Variants in DAGLB observed in about 807,000 individuals in gnomAD.
DAGLB encodes diacylglycerol lipase beta, also known as diacylglycerol lipase-beta.
Under a neutral mutation model 72.1 loss-of-function variants are expected in DAGLB, and 66 were observed. That is an observed-to-expected ratio of 0.92 (90% CI 0.75 to 1.12). The LOEUF (loss-of-function observed/expected upper bound fraction) is 1.12, where lower values mean the gene tolerates loss of function less well. Ranked by LOEUF, DAGLB falls within the 50% of genes most tolerant of loss-of-function variation. The pLI is 0.00. For synonymous variants in DAGLB, 414 were observed against 359.5 expected, an observed-to-expected ratio of 1.15 and a Z score of -1.71; for missense variants, 1,065 against 884.9, an observed-to-expected ratio of 1.20 and a Z score of -2.58.
intron 13 of DAGLB, among the ~76,000 whole-genome samples, chr7:6,410,639 TAA>T (rs1783691116): frequency 1.3e-5 from 2 of 152,192 alleles, no homozygotes; most frequent in Admixed American, 1.3e-4. Context: ...GGAGCAATAT[TAA>T]AAACTAAGCC....
At chr7:6,431,867 G>T (rs919872539) in intron 5 of DAGLB, among the ~76,000 whole-genome samples, 1 of 152,186 alleles carries the variant, frequency 6.6e-6, no homozygotes, top group African/African-American at 2.4e-5. Flanking sequence ...TGCCTCACCT[G>T]ACAGGTGATG....
intron 6 of DAGLB, among the ~76,000 whole-genome samples, chr7:6,429,292 T>C (rs1229622961): frequency 1.3e-5 from 2 of 151,944 alleles, no homozygotes; most frequent in Non-Finnish European, 2.9e-5. Flanking sequence ...GGGGAAACCA[T>C]CACACAAATG....
rs928389323 is a variant in DAGLB at position 6,416,474 on chromosome 7, T to C, written c.1427+153A>G. ...AGAAGAACCGCCTGAACCTGGGAGG[T>C]GGAGCTTGCAGTGAGCCGAGATCAC... On this transcript the variant is annotated intron_variant, in intron 11 of 14. Transcript: ENST00000297056. The C allele has an allele frequency of 5.5e-4, 614 of 1,107,826 alleles. 1 individual carries two copies. The highest frequency in any genetic ancestry group is 6.5e-4 in the Non-Finnish European group (527 of 813,266). The allele number at this position is 1,107,826 out of a possible 1,614,324, so 68.6% of individuals were successfully genotyped here.
chr7:6,434,793 C>T lies in DAGLB; in HGVS notation c.647G>A (p.Ser216Asn), dbSNP rs778993834. Residue 216 changes from serine to asparagine, a missense_variant, in exon 4 of 15, where the codon AGT becomes AAT. Coordinates refer to ENST00000297056, the MANE Select transcript of DAGLB (RefSeq NM_139179.4). ...KDDHTRVAFS[S>N]TAELFSTYFS... is the part of the protein sequence containing the mutation. ...GTAGGTTGAGAAAAGCTCTGCCGTA[C>T]TCGAAAAAGCAACCCGAGTATGGTC... The T allele has an allele frequency of 2.5e-6, 4 of 1,614,200 alleles. No homozygotes were observed. Among genetic ancestry groups the T allele is most frequent in the Non-Finnish European group, 3.4e-6 (4 of 1,180,038 alleles).
intron 2 of DAGLB, among the ~76,000 whole-genome samples, chr7:6,442,080 C>A (rs1398301897): frequency 6.6e-6 from 1 of 152,156 alleles, no homozygotes; most frequent in East Asian, 1.9e-4. Flanking sequence ...CAAGGAAGCA[C>A]TTCCCCAGAA....
At chr7:6,425,854 A>G in intron 7 of DAGLB, 134 bp downstream of exon 7, 4 of 1,431,274 alleles carry the variant, frequency 2.8e-6, no homozygotes, top group Non-Finnish European at 3.7e-6. Context: ...GCCCCTCTGA[A>G]ATAGTACACA....
In DAGLB at chr7:6,409,662, GC is replaced by G; in HGVS notation, c.*174del. 1 of 770,852 alleles carries G rather than the reference GC, an allele frequency of 1.3e-6. No homozygotes were observed. Among genetic ancestry groups the G allele is most frequent in the Non-Finnish European group, 2.0e-6 (1 of 490,730 alleles). 47.8% of individuals were successfully genotyped at this position (770,852 alleles called of 1,614,324 possible). A position where few individuals can be genotyped will look rare whatever the true frequency, so the allele number is the denominator to read the frequency against. ...GCTCACTACTTCTGCTACCATTATG[GC>G]CACAATGACTTCCCATAAACTTAAG... On this transcript the variant is annotated 3_prime_UTR_variant, in exon 15 of 15. Transcript: ENST00000297056.
chr7:6,419,168 C>T (rs6957147), intron 9 of DAGLB, among the ~76,000 whole-genome samples: 1 of 149,628 alleles, frequency 6.7e-6, no homozygotes, highest in Admixed American at 6.7e-5. Flanking sequence ...ATTACAGGCA[C>T]TCACCACCAC....
intron 1 of DAGLB, among the ~76,000 whole-genome samples, chr7:6,446,881 G>A (rs1785024181): frequency 6.6e-6 from 1 of 152,120 alleles, no homozygotes; most frequent in Admixed American, 6.6e-5. Context: ...GTGGTGGCAC[G>A]AGTCTGTGGT....
chr7:6,447,509 T>C (rs1354879349), intron 1 of DAGLB, among the ~76,000 whole-genome samples: 5 of 152,098 alleles, frequency 3.3e-5, no homozygotes, highest in Admixed American at 6.5e-5. Context: ...CGAAACCCCC[T>C]GTTTGTCCCC....
intron 8 of DAGLB, 98 bp downstream of exon 8, chr7:6,424,654 G>A: frequency 1.8e-6 from 2 of 1,138,448 alleles, no homozygotes; most frequent in South Asian, 1.2e-5. Context: ...TTTCCCCTGT[G>A]TCTCATGCGG....
chr7:6,420,245 G>C (rs1419468103), intron 9 of DAGLB, among the ~76,000 whole-genome samples: 1 of 152,038 alleles, frequency 6.6e-6, no homozygotes, highest in Non-Finnish European at 1.5e-5. Context: ...ATAGAGACCA[G>C]CCTGGCCAAC....
At chr7:6,423,147 G>A (rs781507749) in intron 8 of DAGLB, among the ~76,000 whole-genome samples, 1 of 152,182 alleles carries the variant, frequency 6.6e-6, no homozygotes, top group Non-Finnish European at 1.5e-5. Flanking sequence ...AGCTACTTGA[G>A]AGGCTGAGGC....
rs573809815 is a variant in DAGLB at position 6,409,624 on chromosome 7, A to G, written c.*213T>C. 58 of 627,324 alleles carry G rather than the reference A, an allele frequency of 9.2e-5. No homozygotes were observed. The highest frequency in any genetic ancestry group is 1.4e-4 in the Non-Finnish European group (50 of 367,380). The allele number at this position is 627,324 out of a possible 1,614,324, so 38.9% of individuals were successfully genotyped here. A position where few individuals can be genotyped will look rare whatever the true frequency, so the allele number is the denominator to read the frequency against. On this transcript the variant is annotated 3_prime_UTR_variant, in exon 15 of 15. Transcript: ENST00000297056. ...GTCGCTGGGTCTCAGGAGTCGTCCT[A>G]TCACCTGAGCGTGCTCACTACTTCT... is the stretch of plus-strand genomic sequence containing the variant.
At chr7:6,425,560 G>C (rs1369618000) in intron 7 of DAGLB, among the ~76,000 whole-genome samples, 1 of 152,082 alleles carries the variant, frequency 6.6e-6, no homozygotes, top group African/African-American at 2.4e-5. Context: ...GTGAGCCACT[G>C]TGCCCGGCCC....
At chr7:6,434,041 A>T (rs1474010536) in intron 4 of DAGLB, among the ~76,000 whole-genome samples, 1 of 152,042 alleles carries the variant, frequency 6.6e-6, no homozygotes, top group East Asian at 1.9e-4. Context: ...CCCTCTACGG[A>T]GGCTGCTGCT....
intron 4 of DAGLB, among the ~76,000 whole-genome samples, chr7:6,434,478 C>G (rs1306369319): frequency 6.6e-6 from 1 of 152,176 alleles, no homozygotes; most frequent in African/African-American, 2.4e-5. Flanking sequence ...GTACAGCGTC[C>G]GTTATGTGGT....
intron 2 of DAGLB, among the ~76,000 whole-genome samples, chr7:6,438,366 G>C (rs764529970): frequency 1.5e-4 from 23 of 151,972 alleles, no homozygotes; most frequent in African/African-American, 5.5e-4. Context: ...TTTTTAAAAT[G>C]CAAAAATAAA....
intron 13 of DAGLB, among the ~76,000 whole-genome samples, chr7:6,411,247 G>A (rs1783717798): frequency 1.3e-5 from 2 of 152,078 alleles, no homozygotes; most frequent in Admixed American, 1.3e-4. Context: ...GACCTCAGGT[G>A]ATCCACCCAC....
Sources: gnomAD v4.1 joint callset for allele counts (sites outside exome capture counted in the v4.1 genomes callset) on GRCh38, gnomAD v4.1.1 for gene constraint, MANE v1.5 for transcripts, NCBI Gene and HGNC (gene_info 2026-07-23, HGNC 2026-07-21) for gene names.